Variants in KATNIP observed in about 807,000 individuals in gnomAD.
The protein encoded by KATNIP is katanin-interacting protein.
In KATNIP, 126 loss-of-function variants were observed where a neutral mutation model predicts 174.0. That is an observed-to-expected ratio of 0.72 (90% confidence interval 0.63 to 0.84). The LOEUF (loss-of-function observed/expected upper bound fraction) is 0.84. KATNIP is among the 40% of genes least tolerant of loss of function. The pLI, the probability that KATNIP is intolerant of heterozygous loss-of-function variation, is 0.00. For missense variants in KATNIP, 1,958 were observed against 2,109.7 expected, an observed-to-expected ratio of 0.93 and a Z score of 1.41; for synonymous variants, 810 against 835.7, an observed-to-expected ratio of 0.97 and a Z score of 0.53.
At chr16:27,562,372 A>G (rs917311858) in intron 1 of KATNIP, among the ~76,000 whole-genome samples, 2 of 152,170 alleles carry the variant, frequency 1.3e-5, no homozygotes, top group South Asian at 4.1e-4. Context: ...AGGAGAATCA[A>G]ATGAATTCAT....
chr16:27,768,936 A>T (rs1446486801), intron 20 of KATNIP, among the ~76,000 whole-genome samples: 1 of 152,258 alleles, frequency 6.6e-6, no homozygotes, highest in East Asian at 1.9e-4. Context: ...ATGTGGGCTA[A>T]GGTGTCGAGG....
chr16:27,746,919 T>C (rs2143703835), intron 15 of KATNIP, among the ~76,000 whole-genome samples: 1 of 152,290 alleles, frequency 6.6e-6, no homozygotes, highest in African/African-American at 2.4e-5. Flanking sequence ...CTAGAGGGGT[T>C]GATGACAAAT....
chr16:27,570,388 A>G (rs1469807640), intron 1 of KATNIP, among the ~76,000 whole-genome samples: 1 of 151,780 alleles, frequency 6.6e-6, no homozygotes, highest in Non-Finnish European at 1.5e-5. Context: ...ACATGGTGAA[A>G]CCCCATATTT....
chr16:27,639,771 C>T (rs910735825), intron 5 of KATNIP, among the ~76,000 whole-genome samples: 6 of 152,154 alleles, frequency 3.9e-5, no homozygotes, highest in South Asian at 2.1e-4. Context: ...GCAGTGAGGA[C>T]GACAAATGAA....
chr16:27,564,477 G>A (rs1260830851), intron 1 of KATNIP, among the ~76,000 whole-genome samples: 1 of 152,012 alleles, frequency 6.6e-6, no homozygotes, highest in African/African-American at 2.4e-5. Flanking sequence ...GCGCGTTAAC[G>A]GTGTGCAGGT....
chr16:27,710,671 T>C (rs1177801740), intron 13 of KATNIP, among the ~76,000 whole-genome samples: 1 of 152,140 alleles, frequency 6.6e-6, no homozygotes, highest in Non-Finnish European at 1.5e-5. Flanking sequence ...CTGGCTAATT[T>C]TGTAAAATTT....
rs758791157 is a variant in KATNIP at position 27,740,693 on chromosome 16, G to T, written c.2396G>T (p.Gly799Val). 1 of 1,614,210 alleles carries T rather than the reference G, an allele frequency of 6.2e-7. No homozygotes were observed. The highest frequency in any genetic ancestry group is 8.5e-7 in the Non-Finnish European group (1 of 1,180,042). ...PSDDVIGEGP[G>V]ETEARDKGLR... ...GACGATGTCATCGGTGAGGGTCCTGGAGAGACCGAGGCCAGGGATAAAGGC... is the reference window on the plus strand; with the variant it reads ...GACGATGTCATCGGTGAGGGTCCTGTAGAGACCGAGGCCAGGGATAAAGGC... The change falls in exon 15 of 28, where the codon GGA becomes GTA. Residue 799 changes from glycine (G) to valine (V), a missense_variant. By Grantham distance (109) the Gly-to-Val change is moderately radical. Transcript: ENST00000261588.
In KATNIP at chr16:27,699,959, G is replaced by A. The variant is rs1203814992; in HGVS notation, c.1179+360G>A. Among the ~76,000 whole-genome samples the A allele has an allele frequency of 5.9e-5, 9 of 152,074 alleles. No individual in the cohort carries two copies. In the South Asian group the frequency reaches 1.9e-3, roughly 32 times the overall value. On this transcript the variant is annotated intron_variant, in intron 10 of 27. Transcript: ENST00000261588. Reference sequence around the variant, plus strand: ...AGAATCTCACTCTGTTGCCCAGGCAGGAGTGCAATGGTGCAATCTCGGCTC... The same window carrying A: ...AGAATCTCACTCTGTTGCCCAGGCAAGAGTGCAATGGTGCAATCTCGGCTC...
intron 3 of KATNIP, among the ~76,000 whole-genome samples, chr16:27,621,365 G>A (rs571373455): frequency 2.6e-5 from 4 of 152,086 alleles, no homozygotes; most frequent in African/African-American, 7.2e-5. Context: ...AATCAAAATC[G>A]ACTATTCTCC....
intron 16 of KATNIP, among the ~76,000 whole-genome samples, chr16:27,750,510 C>T (rs2081468591): frequency 6.6e-6 from 1 of 151,068 alleles, no homozygotes; most frequent in East Asian, 1.9e-4. Flanking sequence ...AGATCCGCCT[C>T]CCGGGTTCAC....
chr16:27,777,656 T>G lies in KATNIP; in HGVS notation c.4598T>G (p.Val1533Gly). The G allele has an allele frequency of 6.2e-7, 1 of 1,613,856 alleles. No homozygotes were observed. Among genetic ancestry groups the G allele is most frequent in the Non-Finnish European group, 8.5e-7 (1 of 1,179,936 alleles). ...GTGTACAATGGGATCCTGGCCATGGTGAGCCACCTGGTGGGGGGCATCCTG... is the reference window on the plus strand; with the variant it reads ...GTGTACAATGGGATCCTGGCCATGGGGAGCCACCTGGTGGGGGGCATCCTG... ...LLVYNGILAM[V>G]SHLVGGILPT... The change falls in exon 26 of 28, where the codon GTG (valine) becomes GGG (glycine). Residue 1533 changes from valine to glycine, a missense_variant. By Grantham distance (109) the Val-to-Gly change is moderately radical. Coordinates refer to ENST00000261588, the MANE Select transcript of KATNIP (RefSeq NM_015202.5). The surrounding 1 kb of genome is among the most constrained non-coding windows in gnomAD (Gnocchi z 4.4).
chr16:27,697,048 G>T (rs2078938655), intron 8 of KATNIP, among the ~76,000 whole-genome samples: 1 of 152,080 alleles, frequency 6.6e-6, no homozygotes, highest in Admixed American at 6.6e-5. Context: ...TCTTTATCCA[G>T]TCTACTGTTG....
chr16:27,749,601 A>T lies in KATNIP; in HGVS notation c.2641A>T (p.Arg881Trp). Reference protein sequence around the residue: ...PASREDTWSSRTPSRSRWRSE... With the variant: ...PASREDTWSSWTPSRSRWRSE... ...TCTTCCAGAAGACACCTGGTCTTCC[A>T]GGACGCCGTCACGGTCAAGGTGGCG... is the stretch of plus-strand genomic sequence containing the variant. Residue 881 changes from arginine to tryptophan, a missense_variant, in exon 16 of 28, where the codon AGG becomes TGG. Coordinates refer to ENST00000261588, the MANE Select transcript of KATNIP (RefSeq NM_015202.5). 6.5e-7 allele frequency: 1 copy of T among 1,531,534 alleles called. No individual in the cohort carries two copies. Among genetic ancestry groups the T allele is most frequent in the Non-Finnish European group, 8.8e-7 (1 of 1,140,752 alleles). 94.9% of individuals were successfully genotyped at this position (1,531,534 alleles called of 1,614,324 possible).
At chr16:27,678,150 C>T (rs573477234) in intron 7 of KATNIP, among the ~76,000 whole-genome samples, 154 bp downstream of exon 7, 30 of 152,298 alleles carry the variant, frequency 2.0e-4, no homozygotes, top group Admixed American at 4.6e-4. Flanking sequence ...GATTGCAAGA[C>T]GCAGAGCTTC....
At chr16:27,587,977 A>G (rs931121774) in intron 2 of KATNIP, among the ~76,000 whole-genome samples, 5 of 145,108 alleles carry the variant, frequency 3.4e-5, no homozygotes, top group Non-Finnish European at 7.4e-5. Context: ...GTGCAGTGGC[A>G]TGAACACGGC....
chr16:27,774,656 G>A lies in KATNIP; in HGVS notation c.4310-289G>A, dbSNP rs759701246. Among the ~76,000 whole-genome samples the A allele has an allele frequency of 3.5e-4, 53 of 152,172 alleles. No homozygotes were observed. In the Middle Eastern group the frequency reaches 0.01, roughly 29 times the overall value. On this transcript the variant is annotated intron_variant, in intron 23 of 27. Transcript: ENST00000261588. Reference sequence around the variant, plus strand: ...CTCTCAAGCAGCAGCAACATTTTACGTCCCCAGCTCTGGCAGTTCCCTGCA... The same window carrying A: ...CTCTCAAGCAGCAGCAACATTTTACATCCCCAGCTCTGGCAGTTCCCTGCA...
chr16:27,654,049 C>A (rs2142387720), intron 6 of KATNIP, among the ~76,000 whole-genome samples: 2 of 152,286 alleles, frequency 1.3e-5, no homozygotes, highest in East Asian at 3.9e-4. Context: ...GATCTTGGCT[C>A]ACTGCAACCT....
intron 13 of KATNIP, among the ~76,000 whole-genome samples, chr16:27,717,695 C>T (rs1398896644): frequency 6.6e-6 from 1 of 152,176 alleles, no homozygotes; most frequent in Non-Finnish European, 1.5e-5. Flanking sequence ...TGCCCTAGCA[C>T]TTCAGGGCAT....
intron 5 of KATNIP, among the ~76,000 whole-genome samples, chr16:27,647,234 T>A (rs1236434245): frequency 6.6e-6 from 1 of 152,184 alleles, no homozygotes; most frequent in Non-Finnish European, 1.5e-5. Context: ...CCAGAGTGTC[T>A]GCAGTCCAGA....
Sources: allele counts gnomAD v4.1 joint callset (sites outside exome capture counted in the v4.1 genomes callset), GRCh38; gene constraint gnomAD v4.1.1; non-coding constraint Gnocchi (gnomAD v3.1); transcripts MANE v1.5; gene names NCBI Gene and HGNC (gene_info 2026-07-23, HGNC 2026-07-21).